MSI2: variants seen among roughly 807,000 people sequenced by gnomAD.
The protein encoded by MSI2 is RNA-binding protein Musashi homolog 2.
Under a neutral mutation model 45.6 loss-of-function variants are expected in MSI2, and 17 were observed. The observed-to-expected ratio is 0.37, with a 90% CI of 0.26 to 0.56. MSI2 has a LOEUF of 0.56. Among genes scored for constraint, MSI2 ranks in the 20% least tolerant of loss-of-function variants. The pLI is 0.77. For synonymous variants in MSI2, 156 were observed against 158.2 expected, an observed-to-expected ratio of 0.99 and a Z score of 0.11; for missense variants, 293 against 444.2, an observed-to-expected ratio of 0.66 and a Z score of 3.06.
chr17:57,307,496 C>T (rs900887742), intron 5 of MSI2, among the ~76,000 whole-genome samples: 1 of 151,034 alleles, frequency 6.6e-6, no homozygotes, highest in Non-Finnish European at 1.5e-5. Context: ...GCAATCTCAG[C>T]CCTCCGCAAC....
chr17:57,386,762 A>C (rs2083694658), intron 5 of MSI2, among the ~76,000 whole-genome samples: 1 of 152,180 alleles, frequency 6.6e-6, no homozygotes, highest in East Asian at 1.9e-4. Context: ...GGGCATCCTG[A>C]TGGCAGCTGA....
At chr17:57,678,669 G>A (rs891217868) in intron 13 of MSI2, among the ~76,000 whole-genome samples, 1 of 152,186 alleles carries the variant, frequency 6.6e-6, no homozygotes, top group Non-Finnish European at 1.5e-5. Flanking sequence ...CTTTCCATAG[G>A]GGTGGGGTGG....
At chr17:57,502,636 T>TAGAGAGAGAGAG (rs1439981218) in intron 6 of MSI2, among the ~76,000 whole-genome samples, 22 of 96,912 alleles carry the variant, frequency 2.3e-4, no homozygotes, top group Admixed American at 6.7e-4. Flanking sequence ...TATATATATA[T>TAGAGAGAGAGAG]AGTCATCATT....
intron 5 of MSI2, among the ~76,000 whole-genome samples, chr17:57,373,346 A>C (rs753320692): frequency 6.6e-6 from 1 of 152,182 alleles, no homozygotes; most frequent in Non-Finnish European, 1.5e-5. Flanking sequence ...GCCTCACCCC[A>C]GGTCAATCAG....
chr17:57,269,881 T>C (rs1360916702), intron 5 of MSI2, among the ~76,000 whole-genome samples: 1 of 152,158 alleles, frequency 6.6e-6, no homozygotes, highest in Non-Finnish European at 1.5e-5. Context: ...TTTGGAATCA[T>C]GATCTCTGCT....
At chr17:57,579,356 G>A (rs2088138585) in intron 7 of MSI2, among the ~76,000 whole-genome samples, 1 of 152,228 alleles carries the variant, frequency 6.6e-6, no homozygotes, top group South Asian at 2.1e-4. Flanking sequence ...GGAGGACGCA[G>A]GGATGATCTG....
At chr17:57,258,198 G>A in intron 3 of MSI2, 72 bp from the exon 4 acceptor site, 1 of 1,359,170 alleles carries the variant, frequency 7.4e-7, no homozygotes. Flanking sequence ...TCAGCCTTAG[G>A]TCTCACTCCT....
At chr17:57,432,477 C>A (rs1252562738) in intron 6 of MSI2, 1 of 152,382 alleles carries the variant, frequency 6.6e-6, no homozygotes, top group Non-Finnish European at 1.5e-5. Context: ...GGGCTGCCCT[C>A]TCTGGAATCA....
intron 7 of MSI2, among the ~76,000 whole-genome samples, chr17:57,578,209 C>T (rs2088102852): frequency 6.6e-6 from 1 of 151,888 alleles, no homozygotes; most frequent in Non-Finnish European, 1.5e-5. Context: ...CTGCTGGTGA[C>T]AGCCCAAGCT....
At position 57,257,147 on chromosome 17, in the gene MSI2, G is replaced by C. The variant is rs1485589302; in HGVS notation, c.103+9G>C. The C allele has an allele frequency of 1.3e-6, 2 of 1,576,486 alleles. No homozygotes were observed. Among genetic ancestry groups the C allele is most frequent in the Admixed American group, 3.6e-5 (2 of 55,968 alleles). On this transcript the variant is annotated intron_variant, in intron 2 of 13. Transcript: ENST00000284073. ...CTGGCAGACCTCACCAGGTAAGGGA[G>C]GGAGGGGGGGACGCCTGGGTCCCCC...
At chr17:57,527,996 C>T (rs961100180) in intron 6 of MSI2, among the ~76,000 whole-genome samples, 1 of 152,186 alleles carries the variant, frequency 6.6e-6, no homozygotes. Flanking sequence ...CCCCCAAGCT[C>T]ATTTGTGAGC....
rs2086770135 is a variant in MSI2, at chr17:57,529,252, A to G, written c.406-424A>G. Among the ~76,000 whole-genome samples the G allele has an allele frequency of 6.6e-6, 1 of 152,140 alleles. No homozygotes were observed. Among genetic ancestry groups the G allele is most frequent in the Non-Finnish European group, 1.5e-5 (1 of 68,040 alleles). Reference sequence around the variant, plus strand: ...GGAGTTCAAGACCAGTCTGAGCAACATAGTGGGACCCTGTCTCTAAAAAAA... The same window carrying G: ...GGAGTTCAAGACCAGTCTGAGCAACGTAGTGGGACCCTGTCTCTAAAAAAA... On this transcript the variant is annotated intron_variant, in intron 6 of 13. Coordinates refer to ENST00000284073, the MANE Select transcript of MSI2 (RefSeq NM_138962.4). The surrounding 1 kb of genome is among the most constrained non-coding windows in gnomAD (Gnocchi z 5.3).
In MSI2 at chr17:57,271,798, C is replaced by T. The variant is rs552189464; in HGVS notation, c.312+9606C>T. ...GACATATTGTAAACGACTTTCAGAC[C>T]ATGATTTGTGTGTGTAGTGATGTTG... On this transcript the variant is annotated intron_variant, in intron 5 of 13. Coordinates refer to ENST00000284073, the MANE Select transcript of MSI2 (RefSeq NM_138962.4). 1.3e-4 allele frequency among the ~76,000 whole-genome samples: 19 copies of T among 145,930 alleles called. No individual in the cohort carries two copies. The South Asian group carries it at 3.9e-3, about 30-fold the overall frequency.
intron 7 of MSI2, among the ~76,000 whole-genome samples, chr17:57,583,488 C>CTTTTTTTTTT (rs5821192): frequency 7.4e-4 from 73 of 98,008 alleles, no homozygotes; most frequent in East Asian, 2.8e-3. Context: ...CCCAATGTTT[C>CTTTTTTTTTT]TTTTTTTTTT....
intron 7 of MSI2, among the ~76,000 whole-genome samples, chr17:57,530,645 G>A (rs941614807): frequency 6.6e-6 from 1 of 152,180 alleles, no homozygotes; most frequent in African/African-American, 2.4e-5. Flanking sequence ...GGGAGCCTGT[G>A]AGTGAGCAGC....
At chr17:57,547,806 C>T (rs1349413610) in intron 7 of MSI2, among the ~76,000 whole-genome samples, 3 of 148,944 alleles carry the variant, frequency 2.0e-5, no homozygotes, top group Admixed American at 6.7e-5. Context: ...GGAGAATTAA[C>T]ATAACCTACC....
chr17:57,427,399 A>C (rs1358790578), intron 6 of MSI2, among the ~76,000 whole-genome samples: 1 of 1,804 alleles, frequency 5.5e-4, no homozygotes. Context: ...CTCTGTCTCC[A>C]AAAAAAAAAA....
intron 9 of MSI2, among the ~76,000 whole-genome samples, chr17:57,618,630 G>A (rs1057035042): frequency 6.6e-6 from 1 of 152,092 alleles, no homozygotes; most frequent in African/African-American, 2.4e-5. Context: ...TGCAACCTCC[G>A]CCTCCTGGGT....
At chr17:57,545,457 T>C (rs2087143441) in intron 7 of MSI2, among the ~76,000 whole-genome samples, 1 of 152,214 alleles carries the variant, frequency 6.6e-6, no homozygotes, top group South Asian at 2.1e-4. Flanking sequence ...CCTTGTTCTG[T>C]TCCAGACACA....
Sources: gnomAD v4.1 joint callset for allele counts (sites outside exome capture counted in the v4.1 genomes callset) on GRCh38, gnomAD v4.1.1 for gene constraint, Gnocchi (gnomAD v3.1) non-coding constraint, MANE v1.5 for transcripts, NCBI Gene and HGNC (gene_info 2026-07-23, HGNC 2026-07-21) for gene names.